TMC5: variants seen among roughly 807,000 people sequenced by gnomAD.
TMC5 encodes transmembrane channel like 5.
Under a neutral mutation model 110.5 loss-of-function variants are expected in TMC5, and 86 were observed. That is an observed-to-expected ratio of 0.78 (90% CI 0.65 to 0.93). The LOEUF is 0.93. Among genes scored for constraint, TMC5 ranks in the 40% least tolerant of loss-of-function variants. TMC5 has a pLI of 0.00. For synonymous variants in TMC5, 455 were observed against 439.5 expected (o/e 1.04, Z -0.44); for missense variants, 1,144 against 1,222.8 (o/e 0.94, Z 0.96).
At chr16:19,474,983 G>A (rs888101055) in intron 12 of TMC5, 2 of 152,218 alleles carry the variant, frequency 1.3e-5, no homozygotes, top group East Asian at 1.9e-4. Context: ...TGGCACCCAT[G>A]GGGTGCCTTT....
chr16:19,436,291 A>AAAAAAAG (rs1967347046), intron 2 of TMC5, among the ~76,000 whole-genome samples: 2 of 149,194 alleles, frequency 1.3e-5, no homozygotes, highest in Non-Finnish European at 3.0e-5. Flanking sequence ...AAAAGAAAGG[A>AAAAAAAG]AAAAGAAAAA....
At chr16:19,434,402 A>G (rs1254376116) in intron 2 of TMC5, among the ~76,000 whole-genome samples, 1 of 133,128 alleles carries the variant, frequency 7.5e-6, no homozygotes, top group Non-Finnish European at 1.5e-5. Context: ...TATAATATAT[A>G]TATCATATAT....
At chr16:19,429,852 G>T (rs1408218628) in intron 1 of TMC5, among the ~76,000 whole-genome samples, 1 of 151,604 alleles carries the variant, frequency 6.6e-6, no homozygotes, top group East Asian at 1.9e-4. Context: ...GAATCACTGT[G>T]CCTGGCCCAA....
chr16:19,470,208 T>A (rs1280188513), intron 10 of TMC5, among the ~76,000 whole-genome samples: 1 of 125,140 alleles, frequency 8.0e-6, no homozygotes, highest in Admixed American at 7.9e-5. Flanking sequence ...TTTTTTTTTT[T>A]AACGGAATCT....
chr16:19,421,957 G>A (rs1192958318), intron 1 of TMC5, among the ~76,000 whole-genome samples: 9 of 152,034 alleles, frequency 5.9e-5, no homozygotes, highest in South Asian at 2.1e-4. Flanking sequence ...AGGGCCGGGC[G>A]CGGTGGCTCA....
intron 2 of TMC5, among the ~76,000 whole-genome samples, chr16:19,433,267 G>A (rs753659793): frequency 6.6e-6 from 1 of 152,208 alleles, no homozygotes; most frequent in Non-Finnish European, 1.5e-5. Context: ...AACCCGGGCT[G>A]GTGACTGGGT....
intron 11 of TMC5, among the ~76,000 whole-genome samples, chr16:19,472,959 C>G (rs1452445017): frequency 6.6e-6 from 1 of 152,090 alleles, no homozygotes; most frequent in Non-Finnish European, 1.5e-5. Flanking sequence ...GGAAGGATGC[C>G]TAGCAGAAGT....
chr16:19,494,192 C>T, intron 19 of TMC5, 70 bp from the exon 20 acceptor site: 2 of 1,278,542 alleles, frequency 1.6e-6, no homozygotes, highest in Admixed American at 3.8e-5. Flanking sequence ...CCATCAATTG[C>T]TTTCTCAATT....
At chr16:19,456,841 G>A (rs760734818) in intron 5 of TMC5, 37 of 1,614,040 alleles carry the variant, frequency 2.3e-5, no homozygotes, top group Middle Eastern at 3.3e-4. Context: ...ACATGGTTTT[G>A]TCAATATCTG....
intron 4 of TMC5, among the ~76,000 whole-genome samples, chr16:19,446,939 C>T (rs188277712): frequency 2.0e-5 from 3 of 152,174 alleles, no homozygotes; most frequent in Admixed American, 1.3e-4. Flanking sequence ...CATCTATGTA[C>T]CCTCCAAGGC....
At chr16:19,472,017 TC>T in intron 10 of TMC5, 70 bp from the exon 11 acceptor site, 1 of 1,529,218 alleles carries the variant, frequency 6.5e-7, no homozygotes, top group South Asian at 1.1e-5. Flanking sequence ...CGCCTTGGCC[TC>T]CCAAAGTGCT....
intron 1 of TMC5, among the ~76,000 whole-genome samples, chr16:19,421,111 G>A (rs1381091818): frequency 6.6e-6 from 1 of 152,314 alleles, no homozygotes; most frequent in Non-Finnish European, 1.5e-5. Flanking sequence ...GTCAGTCAGT[G>A]TGGCACTGAG....
chr16:19,422,276 TCAAAGATATTTA>T (rs1967001810), intron 1 of TMC5, among the ~76,000 whole-genome samples: 1 of 151,036 alleles, frequency 6.6e-6, no homozygotes. Flanking sequence ...TTGCTATGAC[TCAAAGATATTTA>T]AAGGGGGGGA....
At chr16:19,486,139 C>T (rs993185434) in intron 15 of TMC5, among the ~76,000 whole-genome samples, 2 of 152,120 alleles carry the variant, frequency 1.3e-5, no homozygotes, top group Non-Finnish European at 2.9e-5. Flanking sequence ...CCTCTGTGTT[C>T]GTTTGCTGGG....
chr16:19,464,943 CAG>C (rs1380712755), intron 8 of TMC5, among the ~76,000 whole-genome samples: 5 of 150,528 alleles, frequency 3.3e-5, no homozygotes, highest in African/African-American at 1.2e-4. Flanking sequence ...TAAAAATAAA[CAG>C]AGGATAGGAT....
chr16:19,450,832 A>T (rs1237638607), intron 5 of TMC5, among the ~76,000 whole-genome samples: 5 of 152,174 alleles, frequency 3.3e-5, no homozygotes, highest in Non-Finnish European at 7.3e-5. Flanking sequence ...TTTTGTGAAT[A>T]TTCATATAAT....
intron 6 of TMC5, 72 bp from the exon 7 acceptor site, chr16:19,463,208 C>T: frequency 8.5e-7 from 1 of 1,173,846 alleles, no homozygotes; most frequent in African/African-American, 1.5e-5. Flanking sequence ...GCATGAGCCA[C>T]CATGTAACTA....
At chr16:19,414,731 A>C (rs1966868141), upstream of TMC5, among the ~76,000 whole-genome samples, 1 of 151,300 alleles carries the variant, frequency 6.6e-6, no homozygotes, top group South Asian at 2.1e-4. Context: ...ACATAGGGAG[A>C]CCACCCCCCG....
intron 12 of TMC5, 89 bp from the exon 13 acceptor site, chr16:19,477,351 A>C: frequency 1.0e-6 from 1 of 992,172 alleles, no homozygotes; most frequent in South Asian, 1.3e-5. Flanking sequence ...AGGAATTTCT[A>C]TCTTACCATG....
Sources: gnomAD v4.1 joint callset for allele counts (sites outside exome capture counted in the v4.1 genomes callset) on GRCh38, gnomAD v4.1.1 for gene constraint, MANE v1.5 for transcripts, NCBI Gene and HGNC (gene_info 2026-07-23, HGNC 2026-07-21) for gene names.